Variants in VWF observed in about 807,000 individuals in gnomAD.
The protein encoded by VWF is Factor VIII related antigen.
In VWF, 176 loss-of-function variants were observed where a neutral mutation model predicts 308.6. The ratio of observed to expected loss-of-function variants is 0.57; its 90% CI spans 0.50 to 0.65. The LOEUF (loss-of-function observed/expected upper bound fraction) is 0.65. Ranked by LOEUF, VWF falls within the 30% of genes least tolerant of loss-of-function variation. The pLI, the probability that VWF is intolerant of heterozygous loss-of-function variation, is 0.00. For missense variants in VWF, 3,146 were observed against 3,648.2 expected, an observed-to-expected ratio of 0.86 and a Z score of 3.55; for synonymous variants, 1,385 against 1,443.4, an observed-to-expected ratio of 0.96 and a Z score of 0.92.
At chr12:6,031,718 CTGTG>C in intron 20 of VWF, 140 bp from the exon 21 acceptor site, 4 of 1,327,070 alleles carry the variant, frequency 3.0e-6, no homozygotes, top group South Asian at 2.5e-5. Flanking sequence ...ATATGTGCCT[CTGTG>C]TGTGTCTGGG....
Position 6,017,870 on chromosome 12 carries a change from G to T in VWF, c.5053+495C>A, listed in dbSNP as rs2136410775. On this transcript the variant is annotated intron_variant, in intron 28 of 51. Coordinates refer to ENST00000261405, the MANE Select transcript of VWF (RefSeq NM_000552.5). ...CTAAGGCAGTCTGACTCCAGTGTCT[G>T]AAGACTGCACCTGCTACCTGACACC... Among the ~76,000 whole-genome samples, 2 of 152,286 alleles carry T rather than the reference G, an allele frequency of 1.3e-5. 1 individual carries two copies. Among genetic ancestry groups the T allele is most frequent in the South Asian group, 4.1e-4 (2 of 4,830 alleles).
chr12:6,078,652 G>A (rs1042918062), intron 6 of VWF, among the ~76,000 whole-genome samples: 17 of 152,124 alleles, frequency 1.1e-4, no homozygotes, highest in Admixed American at 4.6e-4. Flanking sequence ...AGAGTGGCTC[G>A]GAGCAGTCCC....
At chr12:6,114,266 G>C (rs1945341326) in intron 3 of VWF, among the ~76,000 whole-genome samples, 1 of 152,168 alleles carries the variant, frequency 6.6e-6, no homozygotes, top group African/African-American at 2.4e-5. Flanking sequence ...CAGCCAGGCA[G>C]CTTGGGGTTG....
At chr12:6,013,759 A>G in intron 31 of VWF, 114 bp from the exon 32 acceptor site, 1 of 1,179,530 alleles carries the variant, frequency 8.5e-7, no homozygotes, top group Non-Finnish European at 1.2e-6. Context: ...GGCTGGTCAC[A>G]TACATCAGCC....
chr12:5,956,106 C>T (rs946882379), intron 47 of VWF, among the ~76,000 whole-genome samples: 8 of 152,030 alleles, frequency 5.3e-5, no homozygotes, highest in African/African-American at 1.9e-4. Context: ...TTCCTATCAC[C>T]TGGTGACTTC....
At chr12:5,986,866 G>C (rs1223672348) in intron 38 of VWF, among the ~76,000 whole-genome samples, 4 of 152,204 alleles carry the variant, frequency 2.6e-5, no homozygotes, top group Non-Finnish European at 5.9e-5. Context: ...GACAGAGTGA[G>C]GATTTGAATC....
At chr12:5,988,817 G>C (rs1943707453) in intron 38 of VWF, among the ~76,000 whole-genome samples, 1 of 152,238 alleles carries the variant, frequency 6.6e-6, no homozygotes, top group Admixed American at 6.5e-5. Context: ...CCAGGTTCCA[G>C]GGCCCAGGCG....
At position 6,094,879 on chromosome 12, in the gene VWF, ATT is replaced by A. The variant is rs386375484; in HGVS notation, c.657+579_657+580del. ...AGGCACATGCCACCATGCCCAGCTA[ATT>A]TTTTTTTTTTTTTTTTTTTTGAGAC... On this transcript the variant is annotated intron_variant, in intron 6 of 51. Transcript: ENST00000261405. Among the ~76,000 whole-genome samples, 770 of 104,956 alleles carry A rather than the reference ATT, an allele frequency of 7.3e-3. 3 individuals are homozygous for A. The highest frequency in any genetic ancestry group is 0.027 in the African/African-American group (701 of 26,254). The allele number at this position is 104,956 out of a possible 152,430, so 68.9% of individuals were successfully genotyped here.
In VWF at chr12:6,057,082, G is replaced by T. The variant is rs760570393; in HGVS notation, c.1730-10C>A. 9.8e-6 allele frequency: 15 copies of T among 1,531,312 alleles called. No individual in the cohort carries two copies. In the African/African-American group the frequency reaches 1.8e-4, roughly 18 times the overall value. The allele number at this position is 1,531,312 out of a possible 1,614,324, so 94.9% of individuals were successfully genotyped here. A position where few individuals can be genotyped will look rare whatever the true frequency, so the allele number is the denominator to read the frequency against. Reference sequence around the variant, plus strand: ...TCCTCGGAGAACCTGGCTGTGGGGCGAGAGGAGCGAGCCTGGGATGTGGTG... The same window carrying T: ...TCCTCGGAGAACCTGGCTGTGGGGCTAGAGGAGCGAGCCTGGGATGTGGTG... On this transcript the variant is annotated splice_polypyrimidine_tract_variant and intron_variant, in intron 14 of 51. Transcript: ENST00000261405.
chr12:5,968,639 T>C (rs537703189), intron 45 of VWF, among the ~76,000 whole-genome samples: 18 of 151,982 alleles, frequency 1.2e-4, no homozygotes, highest in Non-Finnish European at 2.6e-4. Context: ...CTACTAGAAA[T>C]ACAAAAATTA....
At chr12:5,983,921 T>C (rs910277733) in intron 40 of VWF, among the ~76,000 whole-genome samples, 1 of 151,564 alleles carries the variant, frequency 6.6e-6, no homozygotes, top group Admixed American at 6.6e-5. Flanking sequence ...AATAGATACA[T>C]AGGTTAGATA....
intron 50 of VWF, among the ~76,000 whole-genome samples, chr12:5,951,378 G>A (rs941836672): frequency 1.3e-5 from 2 of 152,256 alleles, no homozygotes; most frequent in South Asian, 2.1e-4. Context: ...TGGTGGCTTC[G>A]CTTTCTCTTT....
In VWF at chr12:6,063,923, C is replaced by G. The variant is rs1006286838; in HGVS notation, c.1432+323G>C. Among the ~76,000 whole-genome samples, 21 of 152,214 alleles carry G rather than the reference C, an allele frequency of 1.4e-4. No individual in the cohort carries two copies. Among genetic ancestry groups the G allele is most frequent in the Non-Finnish European group, 2.4e-4 (16 of 68,040 alleles). On this transcript the variant is annotated intron_variant, in intron 12 of 51. Coordinates refer to ENST00000261405, the MANE Select transcript of VWF (RefSeq NM_000552.5). The surrounding 1 kb of genome is among the most constrained non-coding windows in gnomAD (Gnocchi z 4.9). ...CCACCCCAGAGCAAACCAGAACCAC[C>G]TGCCCAAGACTCAACTCGCCCCTTT...
At chr12:6,031,680 C>T (rs1944265521) in intron 20 of VWF, 102 bp from the exon 21 acceptor site, 1 of 1,570,538 alleles carries the variant, frequency 6.4e-7, no homozygotes, top group Non-Finnish European at 8.7e-7. Context: ...GTACGTGTCA[C>T]AGGATCTTGC....
At chr12:6,041,784 T>C (rs889353637) in intron 18 of VWF, among the ~76,000 whole-genome samples, 1 of 152,228 alleles carries the variant, frequency 6.6e-6, no homozygotes, top group Non-Finnish European at 1.5e-5. Flanking sequence ...ATATTATTTT[T>C]GTCATTGCTT....
rs1315727244 is a variant in VWF at position 6,020,577 on chromosome 12, C to A, written c.3675-834G>T. On this transcript the variant is annotated intron_variant, in intron 27 of 51. Coordinates refer to ENST00000261405, the MANE Select transcript of VWF (RefSeq NM_000552.5). This position sits in a 1 kb window ranked among gnomAD's most constrained non-coding sequence, Gnocchi z 4.3. ...TTCCAGGCTCTGCTGGTAACATCAC[C>A]TTTTTGCCAGTGTCCCGGAAAGTGG... Among the ~76,000 whole-genome samples the A allele has an allele frequency of 6.6e-6, 1 of 152,226 alleles. No homozygotes were observed. Among genetic ancestry groups the A allele is most frequent in the Non-Finnish European group, 1.5e-5 (1 of 68,044 alleles).
rs1040210912 is a variant in VWF, at chr12:6,063,061, C to G, written c.1433-7G>C. The G allele has an allele frequency of 1.9e-6, 3 of 1,612,184 alleles. No individual in the cohort carries two copies. The African/African-American group carries it at 4.0e-5, about 22-fold the overall frequency. On this transcript the variant is annotated splice_region_variant and splice_polypyrimidine_tract_variant and intron_variant, in intron 12 of 51. Transcript: ENST00000261405. This position sits in a 1 kb window ranked among gnomAD's most constrained non-coding sequence, Gnocchi z 4.9. ...TGCTGGATGCGGAGGTCACCTGGAA[C>G]CCAGCAGGACAGGACTCAGGCAGAG... is the stretch of plus-strand genomic sequence containing the variant.
chr12:5,999,503 C>CACACACACACCA (rs1555193386), intron 34 of VWF, among the ~76,000 whole-genome samples: 1 of 149,298 alleles, frequency 6.7e-6, no homozygotes, highest in Non-Finnish European at 1.5e-5. Context: ...CACACACACA[C>CACACACACACCA]CACTAAGGAA....
chr12:5,975,315 C>CCT (rs1230189794), intron 43 of VWF, among the ~76,000 whole-genome samples: 1 of 152,232 alleles, frequency 6.6e-6, no homozygotes, highest in African/African-American at 2.4e-5. Context: ...TGCCCTGGCA[C>CCT]CTCTTCTCTT....
Sources: gnomAD v4.1 joint callset for allele counts (sites outside exome capture counted in the v4.1 genomes callset) on GRCh38, gnomAD v4.1.1 for gene constraint, Gnocchi (gnomAD v3.1) non-coding constraint, MANE v1.5 for transcripts, NCBI Gene and HGNC (gene_info 2026-07-23, HGNC 2026-07-21) for gene names.